The following KIF5C variants were observed in gnomAD, a reference collection of about 807,000 sequenced individuals.
KIF5C encodes kinesin heavy chain isoform 5C.
In KIF5C, 18 loss-of-function variants were observed where a neutral mutation model predicts 125.2. That is an observed-to-expected ratio of 0.14 (90% CI 0.10 to 0.21). The LOEUF (loss-of-function observed/expected upper bound fraction) is 0.21, where lower values mean the gene tolerates loss of function less well. Among genes scored for constraint, KIF5C ranks in the 10% least tolerant of loss-of-function variants. The pLI is 1.00. For synonymous variants in KIF5C, 405 were observed against 434.0 expected, an observed-to-expected ratio of 0.93 and a Z score of 0.83; for missense variants, 780 against 1,183.8, an observed-to-expected ratio of 0.66 and a Z score of 5.01.
chr2:148,945,027 T>C (rs1354688522), intron 7 of KIF5C, among the ~76,000 whole-genome samples: 1 of 152,188 alleles, frequency 6.6e-6, no homozygotes, highest in African/African-American at 2.4e-5. Flanking sequence ...GAGTTCTCTA[T>C]GTATTCTGGA....
At chr2:149,022,730 C>T (rs921473172) in intron 25 of KIF5C, among the ~76,000 whole-genome samples, 3 of 152,082 alleles carry the variant, frequency 2.0e-5, no homozygotes, top group African/African-American at 7.2e-5. Context: ...TTGAGACCAG[C>T]CTGGACAACA....
intron 4 of KIF5C, among the ~76,000 whole-genome samples, chr2:148,939,175 T>A (rs1262083607): frequency 6.6e-6 from 1 of 151,718 alleles, no homozygotes; most frequent in Non-Finnish European, 1.5e-5. Context: ...GAATAGACCC[T>A]AGGTCTGACC....
chr2:148,929,101 A>G (rs552675805), intron 2 of KIF5C, among the ~76,000 whole-genome samples, 180 bp from the exon 3 acceptor site: 3 of 152,258 alleles, frequency 2.0e-5, no homozygotes, highest in African/African-American at 7.2e-5. Flanking sequence ...ATGTGAGTCC[A>G]TTTCTTTCCA....
At chr2:149,006,768 G>T (rs1480626484) in intron 22 of KIF5C, among the ~76,000 whole-genome samples, 3 of 152,212 alleles carry the variant, frequency 2.0e-5, no homozygotes, top group African/African-American at 4.8e-5. Flanking sequence ...GACCATGGGG[G>T]CCTGGCCCTG....
chr2:148,898,706 G>T (rs760634506), intron 1 of KIF5C, among the ~76,000 whole-genome samples: 5 of 152,236 alleles, frequency 3.3e-5, no homozygotes, highest in Non-Finnish European at 5.9e-5. Flanking sequence ...CCTCCAGGAA[G>T]AAAGCAGCTC....
chr2:148,999,227 T>C (rs532748076), intron 19 of KIF5C, among the ~76,000 whole-genome samples: 2 of 152,342 alleles, frequency 1.3e-5, no homozygotes, highest in Admixed American at 6.5e-5. Context: ...ACCAATTATA[T>C]TGAAATGCTG....
At chr2:148,998,588 C>G (rs775065183) in intron 19 of KIF5C, 79 bp downstream of exon 19, 27 of 1,538,506 alleles carry the variant, frequency 1.8e-5, no homozygotes, top group East Asian at 2.5e-5. Context: ...GGATGTGGCT[C>G]TTAGTCGAGG....
chr2:148,972,312 A>G (rs1018704872), intron 11 of KIF5C, among the ~76,000 whole-genome samples: 1 of 152,154 alleles, frequency 6.6e-6, no homozygotes, highest in Non-Finnish European at 1.5e-5. Flanking sequence ...TGGGCTGGGA[A>G]CTGGGGTGAG....
In KIF5C at chr2:148,876,159, C is replaced by A. The variant is rs1681183186; in HGVS notation, c.126+416C>A. Among the ~76,000 whole-genome samples, 2 of 152,198 alleles carry A rather than the reference C, an allele frequency of 1.3e-5. No homozygotes were observed. Among genetic ancestry groups the A allele is most frequent in the Admixed American group, 1.3e-4 (2 of 15,292 alleles). On this transcript the variant is annotated intron_variant, in intron 1 of 25. Coordinates refer to ENST00000435030, the MANE Select transcript of KIF5C (RefSeq NM_004522.3). The surrounding 1 kb of genome is among the most constrained non-coding windows in gnomAD (Gnocchi z 4.7). Reference sequence around the variant, plus strand: ...AAATGCTTCTGGGCATCAATCAATTCGATTTACCAAACGCCTTGCCTCTTC... The same window carrying A: ...AAATGCTTCTGGGCATCAATCAATTAGATTTACCAAACGCCTTGCCTCTTC...
intron 3 of KIF5C, among the ~76,000 whole-genome samples, chr2:148,932,673 A>T (rs543555389): frequency 6.8e-4 from 104 of 152,310 alleles, no homozygotes; most frequent in African/African-American, 2.3e-3. Context: ...ATATAGATGG[A>T]TGGAGACACC....
chr2:148,997,501 TG>T, intron 18 of KIF5C, 161 bp downstream of exon 18: 1 of 1,350,576 alleles, frequency 7.4e-7, no homozygotes, highest in African/African-American at 1.5e-5. Flanking sequence ...GAGTATAGCC[TG>T]GCTTAGAAAT....
chr2:148,920,491 C>G (rs1196250127), intron 1 of KIF5C, among the ~76,000 whole-genome samples: 1 of 152,168 alleles, frequency 6.6e-6, no homozygotes, highest in Non-Finnish European at 1.5e-5. Flanking sequence ...TTACTGCAAA[C>G]AAAACATCAG....
intron 23 of KIF5C, among the ~76,000 whole-genome samples, chr2:149,008,641 A>T (rs1682083279): frequency 1.3e-5 from 2 of 151,860 alleles, no homozygotes; most frequent in South Asian, 4.2e-4. Context: ...CTGTGTCCAA[A>T]CTCACCAGTG....
At chr2:148,915,687 C>T (rs1681517639) in intron 1 of KIF5C, among the ~76,000 whole-genome samples, 1 of 152,234 alleles carries the variant, frequency 6.6e-6, no homozygotes, top group South Asian at 2.1e-4. Context: ...TTTTGCCTTA[C>T]TTGGGGCTCC....
intron 22 of KIF5C, among the ~76,000 whole-genome samples, chr2:149,007,608 AGTT>A (rs1488044604): frequency 6.6e-6 from 1 of 152,146 alleles, no homozygotes; most frequent in Non-Finnish European, 1.5e-5. Context: ...ATGTTTTTGC[AGTT>A]GTTGTTTCTT....
intron 1 of KIF5C, among the ~76,000 whole-genome samples, chr2:148,913,991 C>T (rs1681445571): frequency 6.6e-6 from 1 of 152,214 alleles, no homozygotes; most frequent in African/African-American, 2.4e-5. Context: ...TTACAGCTTA[C>T]CTTCTCTCAT....
At chr2:148,992,489 CAG>C (rs967890705) in intron 16 of KIF5C, among the ~76,000 whole-genome samples, 7 of 152,102 alleles carry the variant, frequency 4.6e-5, no homozygotes, top group Admixed American at 4.6e-4. Flanking sequence ...GTATTGAAGA[CAG>C]TGTTATTTTG....
At chr2:148,962,425 C>T in intron 11 of KIF5C, among the ~76,000 whole-genome samples, 1 of 151,730 alleles carries the variant, frequency 6.6e-6, no homozygotes, top group East Asian at 1.9e-4. Flanking sequence ...GTGATCCACC[C>T]ACCTTGGCCT....
In KIF5C at chr2:148,991,159, C is replaced by T. The variant is rs371453674; in HGVS notation, c.1866C>T (p.Ser622=). 1.9e-4 allele frequency: 308 copies of T among 1,613,858 alleles called. No individual in the cohort carries two copies. The highest frequency in any genetic ancestry group is 6.8e-4 in the Admixed American group (41 of 60,024). The change falls in exon 16 of 26, where the codon AGC becomes AGT. Residue 622 remains serine (S), a synonymous_variant. Coordinates refer to ENST00000435030, the MANE Select transcript of KIF5C (RefSeq NM_004522.3). ...ACTCCAACAGGAAGATGAATGCCAGCGAGCGGGAGCTGGCAGCCTGCCAGC... is the reference window on the plus strand; with the variant it reads ...ACTCCAACAGGAAGATGAATGCCAGTGAGCGGGAGCTGGCAGCCTGCCAGC... The part of the protein sequence containing the change: ...QMDSNRKMNA[S]ERELAACQLL...
Sources: allele counts gnomAD v4.1 joint callset (sites outside exome capture counted in the v4.1 genomes callset), GRCh38; gene constraint gnomAD v4.1.1; non-coding constraint Gnocchi (gnomAD v3.1); transcripts MANE v1.5; gene names NCBI Gene and HGNC (gene_info 2026-07-23, HGNC 2026-07-21).